COL22A1: variants seen among roughly 807,000 people sequenced by gnomAD.
COL22A1 encodes the protein collagen alpha-1(XXII) chain.
Under a neutral mutation model 248.9 loss-of-function variants are expected in COL22A1, and 221 were observed. That is an observed-to-expected ratio of 0.89 (90% CI 0.80 to 0.99). COL22A1 has a LOEUF of 0.99. COL22A1 is among the 50% of genes least tolerant of loss of function. COL22A1 has a pLI of 0.00. For synonymous variants in COL22A1, 891 were observed against 793.4 expected (o/e 1.12, Z -2.07); for missense variants, 2,240 against 2,179.0 (o/e 1.03, Z -0.56).
intron 5 of COL22A1, among the ~76,000 whole-genome samples, chr8:138,832,153 C>T (rs1269236669): frequency 6.6e-6 from 1 of 152,062 alleles, no homozygotes; most frequent in South Asian, 2.1e-4. Context: ...CCTATATAGT[C>T]CAAAAAGGGG....
At chr8:138,802,984 G>T in intron 10 of COL22A1, 50 bp from the exon 11 acceptor site, 1 of 1,441,930 alleles carries the variant, frequency 6.9e-7, no homozygotes, top group Non-Finnish European at 9.8e-7. Context: ...TCCCGACAGG[G>T]CTCTTGCACA....
intron 63 of COL22A1, 131 bp downstream of exon 63, chr8:138,593,886 A>G (rs1817293863): frequency 4.6e-6 from 3 of 647,462 alleles, no homozygotes; most frequent in South Asian, 3.6e-5. Flanking sequence ...ATGATGCCAA[A>G]ACTCTGGGTG....
Position 138,613,786 on chromosome 8 carries a change from CCAGAGGGAA to C in COL22A1, c.3978+72_3978+80del, listed in dbSNP as rs1587676004. 1.5e-5 allele frequency: 18 copies of C among 1,233,872 alleles called. No individual in the cohort carries two copies. The East Asian group carries it at 4.2e-4, about 29-fold the overall frequency. 76.4% of individuals were successfully genotyped at this position (1,233,872 alleles called of 1,614,324 possible). On this transcript the variant is annotated intron_variant, in intron 56 of 64. Transcript: ENST00000303045. The stretch of plus-strand genomic sequence containing the variant: ...TTTTTTAACAATATATACAGTGGCA[CCAGAGGGAA>C]CTAACTAAATATCATTGTGGTAAAA...
chr8:138,800,167 T>C (rs1012722563), intron 11 of COL22A1, among the ~76,000 whole-genome samples: 3 of 152,166 alleles, frequency 2.0e-5, no homozygotes, highest in Non-Finnish European at 4.4e-5. Flanking sequence ...GAAGGAGCAG[T>C]AGCCTCTGCT....
intron 3 of COL22A1, among the ~76,000 whole-genome samples, chr8:138,869,448 G>A (rs77066289): frequency 0.012 from 1,751 of 152,232 alleles, 21 homozygotes; most frequent in Admixed American, 0.023. Context: ...TGTTTGTGTC[G>A]CACAAGCTCG....
chr8:138,635,655 T>C (rs1821092470), intron 48 of COL22A1, among the ~76,000 whole-genome samples: 1 of 152,146 alleles, frequency 6.6e-6, no homozygotes, highest in African/African-American at 2.4e-5. Flanking sequence ...CTTAGTCTTG[T>C]ACAACAATGT....
Position 138,755,765 on chromosome 8 carries a change from T to C in COL22A1, c.1947+20A>G. 1 of 1,613,696 alleles carries C rather than the reference T, an allele frequency of 6.2e-7. No individual in the cohort carries two copies. Among genetic ancestry groups the C allele is most frequent in the Non-Finnish European group, 8.5e-7 (1 of 1,179,620 alleles). On this transcript the variant is annotated intron_variant, in intron 19 of 64. Coordinates refer to ENST00000303045, the MANE Select transcript of COL22A1 (RefSeq NM_152888.3). ...TCCCACCAGCACCTGCATCCATGAT[T>C]CCAACCACTGCTGACTCACCACTGA...
intron 25 of COL22A1, among the ~76,000 whole-genome samples, chr8:138,723,754 C>T (rs953725294): frequency 6.6e-6 from 1 of 152,220 alleles, no homozygotes; most frequent in Admixed American, 6.5e-5. Context: ...GAATTCATGT[C>T]CAGTACCCTT....
intron 16 of COL22A1, among the ~76,000 whole-genome samples, chr8:138,772,721 T>C (rs73361027): frequency 0.21 from 32,628 of 152,080 alleles, 8,207 homozygotes; most frequent in African/African-American, 0.61. Flanking sequence ...ATTAGCCAGG[T>C]GTGGTGGCGC....
chr8:138,737,991 AAC>A (rs1160876663), intron 22 of COL22A1, among the ~76,000 whole-genome samples: 1 of 151,916 alleles, frequency 6.6e-6, no homozygotes, highest in African/African-American at 2.4e-5. Context: ...CACACACACC[AAC>A]ACACACACTC....
At chr8:138,599,017 T>C (rs1817771550) in intron 60 of COL22A1, 119 bp from the exon 61 acceptor site, 3 of 1,045,028 alleles carry the variant, frequency 2.9e-6, no homozygotes, top group East Asian at 5.2e-5. Context: ...ACCTTGGCCC[T>C]GGGTGGCCCA....
intron 44 of COL22A1, among the ~76,000 whole-genome samples, chr8:138,657,612 T>C (rs993119594): frequency 6.6e-6 from 1 of 152,188 alleles, no homozygotes; most frequent in African/African-American, 2.4e-5. Context: ...GACCAGCATG[T>C]GGATGGAGGC....
intron 16 of COL22A1, among the ~76,000 whole-genome samples, chr8:138,771,428 G>A (rs1052285314): frequency 2.6e-5 from 4 of 152,148 alleles, no homozygotes; most frequent in African/African-American, 4.8e-5. Flanking sequence ...TGGCCTCTGC[G>A]CTCAGTTTCC....
At chr8:138,888,701 G>A (rs2318344) in intron 1 of COL22A1, among the ~76,000 whole-genome samples, 94,035 of 151,990 alleles carry the variant, frequency 0.62, 30,075 homozygotes, top group East Asian at 0.85. Flanking sequence ...AACACATAAG[G>A]GCAGTCAGGG....
At chr8:138,908,612 G>C (rs529630139) in intron 1 of COL22A1, among the ~76,000 whole-genome samples, 2 of 152,248 alleles carry the variant, frequency 1.3e-5, no homozygotes, top group South Asian at 4.2e-4. Flanking sequence ...ATGTTCCTAA[G>C]CCCCAATGTG....
At chr8:138,664,138 G>A (rs1824232810) in intron 41 of COL22A1, among the ~76,000 whole-genome samples, 2 of 149,480 alleles carry the variant, frequency 1.3e-5, no homozygotes, top group South Asian at 4.3e-4. Flanking sequence ...ACATTCCCCA[G>A]CCATAGCGCT....
At chr8:138,613,977 C>T in intron 55 of COL22A1, 57 bp from the exon 56 acceptor site, 1 of 1,371,324 alleles carries the variant, frequency 7.3e-7, no homozygotes, top group Non-Finnish European at 1.0e-6. Context: ...AAGGTGATGG[C>T]ATCCCAATTT....
chr8:138,702,478 C>G (rs1042648136), intron 31 of COL22A1, among the ~76,000 whole-genome samples: 1 of 152,120 alleles, frequency 6.6e-6, no homozygotes, highest in Non-Finnish European at 1.5e-5. Context: ...CTGGCATCCC[C>G]TGCAAGGGCC....
intron 9 of COL22A1, among the ~76,000 whole-genome samples, chr8:138,810,617 C>A (rs1294274794): frequency 1.3e-5 from 2 of 152,164 alleles, no homozygotes; most frequent in Non-Finnish European, 2.9e-5. Context: ...GCTTGGGCCT[C>A]CAGCAAGGGA....
Sources: allele counts gnomAD v4.1 joint callset (sites outside exome capture counted in the v4.1 genomes callset), GRCh38; gene constraint gnomAD v4.1.1; transcripts MANE v1.5; gene names NCBI Gene and HGNC (gene_info 2026-07-23, HGNC 2026-07-21).